The following PIR variants were observed in gnomAD, a reference collection of about 807,000 sequenced individuals.
PIR encodes pirin (iron-binding nuclear protein).
Under a neutral mutation model 24.2 loss-of-function variants are expected in PIR, and 22 were observed. That is an observed-to-expected ratio of 0.91 (90% CI 0.65 to 1.30). The LOEUF (loss-of-function observed/expected upper bound fraction) is 1.30. Ranked by LOEUF, PIR falls within the 50% of genes most tolerant of loss-of-function variation. PIR has a pLI of 0.00. For synonymous variants in PIR, 80 were observed against 79.6 expected (o/e 1.00, Z -0.03); for missense variants, 220 against 220.3 (o/e 1.00, Z 0.01).
intron 2 of PIR, among the ~76,000 whole-genome samples, chrX:15,482,640 A>AT (rs1922570924): frequency 8.9e-6 from 1 of 111,922 alleles, no homozygotes; most frequent in East Asian, 2.8e-4. Context: ...CTTTTAATAC[A>AT]TTGTTGAATT....
chrX:15,407,500 A>G lies in PIR; in HGVS notation c.610+6T>C. On this transcript the variant is annotated splice_donor_region_variant and intron_variant, in intron 7 of 9. Transcript: ENST00000380420. ...TTGAGCCCTAAGTGACACAGCCATA[A>G]CTTACCAATATACACATCTCCAGAT... 1 of 1,190,720 alleles carries G rather than the reference A, an allele frequency of 8.4e-7. No individual in the cohort carries two copies. Among genetic ancestry groups the G allele is most frequent in the Admixed American group, 2.2e-5 (1 of 46,046 alleles).
At chrX:15,483,165 A>AT (rs1242701807) in intron 2 of PIR, among the ~76,000 whole-genome samples, 4 of 83,899 alleles carry the variant, frequency 4.8e-5, no homozygotes, top group African/African-American at 2.5e-4. Flanking sequence ...TACATTATAC[A>AT]TATATATATA....
intron 5 of PIR, among the ~76,000 whole-genome samples, chrX:15,442,606 G>A (rs773841024): frequency 3.6e-5 from 4 of 112,137 alleles, no homozygotes; most frequent in Non-Finnish European, 7.5e-5. Flanking sequence ...GTTTCTGAAG[G>A]AAATTAAAAG....
At chrX:15,426,914 C>G (rs1051315782) in intron 5 of PIR, among the ~76,000 whole-genome samples, 2 of 111,573 alleles carry the variant, frequency 1.8e-5, no homozygotes, top group African/African-American at 6.5e-5. Context: ...CACCTAAAGA[C>G]AGGCACAAGT....
intron 3 of PIR, among the ~76,000 whole-genome samples, chrX:15,466,004 C>CTTTTTTTTT (rs1281489150): frequency 1.8e-5 from 1 of 56,327 alleles, no homozygotes; most frequent in Non-Finnish European, 2.9e-5. Context: ...AAAATGGTGG[C>CTTTTTTTTT]TGTTTTTTTT....
chrX:15,460,545 G>T (rs994705045), intron 3 of PIR, among the ~76,000 whole-genome samples: 1 of 111,526 alleles, frequency 9.0e-6, no homozygotes, highest in Non-Finnish European at 1.9e-5. Flanking sequence ...AGCTACCAGG[G>T]GTCAGGAGGT....
intron 9 of PIR, among the ~76,000 whole-genome samples, chrX:15,389,561 T>C (rs115023514): frequency 0.01 from 1,153 of 111,505 alleles, 12 homozygotes; most frequent in African/African-American, 0.035. Flanking sequence ...AAATGGGTTT[T>C]AATTGCTTTT....
intron 8 of PIR, 22 bp from the exon 9 acceptor site, chrX:15,390,273 T>A: frequency 1.1e-6 from 1 of 950,156 alleles, no homozygotes; most frequent in Non-Finnish European, 1.5e-6. Flanking sequence ...AAAGAAAACA[T>A]CAAACAATAA....
chrX:15,443,706 C>T (rs1486754178), intron 5 of PIR, among the ~76,000 whole-genome samples: 1 of 111,458 alleles, frequency 9.0e-6, no homozygotes, highest in Non-Finnish European at 1.9e-5. Flanking sequence ...TTTGTGATTC[C>T]TGGGAGGGGA....
chrX:15,407,026 C>G lies in PIR; in HGVS notation c.610+480G>C, dbSNP rs781770273. Among the ~76,000 whole-genome samples, 9 of 112,083 alleles carry G rather than the reference C, an allele frequency of 8.0e-5. No homozygotes were observed. The South Asian group carries it at 3.4e-3, about 42-fold the overall frequency. ...TGAGCATTGGTTAGGTCTCAAACAT[C>G]TTTTCTTGATTAGACTCAACAAGCA... On this transcript the variant is annotated intron_variant, in intron 7 of 9. Transcript: ENST00000380420.
chrX:15,449,351 T>C (rs774287459), intron 5 of PIR, among the ~76,000 whole-genome samples: 3 of 112,172 alleles, frequency 2.7e-5, no homozygotes, highest in Middle Eastern at 9.3e-3. Flanking sequence ...TCTCCCCCTA[T>C]CTATCCATTA....
intron 5 of PIR, among the ~76,000 whole-genome samples, chrX:15,455,098 T>A (rs761024793): frequency 9.8e-5 from 11 of 112,337 alleles, no homozygotes; most frequent in African/African-American, 3.2e-4. Flanking sequence ...AATCTTCATC[T>A]CAGGGTCTGC....
intron 7 of PIR, among the ~76,000 whole-genome samples, chrX:15,405,005 T>C (rs931872972): frequency 3.6e-5 from 4 of 111,517 alleles, no homozygotes; most frequent in Admixed American, 1.9e-4. Flanking sequence ...TAAATAGAAA[T>C]GACTCAGGAA....
intron 4 of PIR, 67 bp from the exon 5 acceptor site, chrX:15,456,121 T>C (rs904648229): frequency 9.0e-6 from 8 of 886,063 alleles, no homozygotes; most frequent in Admixed American, 2.2e-5. Flanking sequence ...GGTGGAACAA[T>C]TACAACACCA....
intron 5 of PIR, among the ~76,000 whole-genome samples, chrX:15,432,147 A>C (rs1925531441): frequency 1.8e-5 from 2 of 111,372 alleles, no homozygotes; most frequent in Non-Finnish European, 3.8e-5. Context: ...GGCCACTTGC[A>C]TTTCTCTTTC....
intron 3 of PIR, among the ~76,000 whole-genome samples, chrX:15,468,704 A>G (rs918041830): frequency 5.0e-4 from 56 of 112,467 alleles, no homozygotes; most frequent in African/African-American, 1.8e-3. Flanking sequence ...AGGATTTTGG[A>G]CATCAAGAAG....
intron 3 of PIR, among the ~76,000 whole-genome samples, chrX:15,475,897 C>A (rs1043944898): frequency 8.9e-6 from 1 of 112,199 alleles, no homozygotes; most frequent in African/African-American, 3.2e-5. Flanking sequence ...CCCTAGAGTA[C>A]GCCTTCTCAA....
intron 7 of PIR, among the ~76,000 whole-genome samples, chrX:15,398,122 A>G (rs1028541472): frequency 9.0e-6 from 1 of 110,680 alleles, no homozygotes; most frequent in Non-Finnish European, 1.9e-5. Flanking sequence ...GGGGAGGGAT[A>G]GCATTAGGAG....
At chrX:15,385,852 G>A (rs1181424280) in intron 9 of PIR, among the ~76,000 whole-genome samples, 1 of 112,154 alleles carries the variant, frequency 8.9e-6, no homozygotes, top group Admixed American at 9.4e-5. Context: ...GGCAGATGTA[G>A]CCCATCGACC....
Sources: gnomAD v4.1 joint callset for allele counts (sites outside exome capture counted in the v4.1 genomes callset) on GRCh38, gnomAD v4.1.1 for gene constraint, MANE v1.5 for transcripts, NCBI Gene and HGNC (gene_info 2026-07-23, HGNC 2026-07-21) for gene names.